ELP4: variants seen among roughly 807,000 people sequenced by gnomAD.
The protein encoded by ELP4 is elongator acetyltransferase complex subunit 4.
In ELP4, 51 loss-of-function variants were observed where a neutral mutation model predicts 48.9. The ratio of observed to expected loss-of-function variants is 1.04; its 90% CI spans 0.83 to 1.32. The LOEUF is 1.32. Ranked by LOEUF, ELP4 falls within the 40% of genes most tolerant of loss-of-function variation. The pLI is 0.00. For synonymous variants in ELP4, 210 were observed against 189.2 expected (o/e 1.11, Z -0.90); for missense variants, 519 against 514.6 (o/e 1.01, Z -0.08).
chr11:31,519,181 T>C (rs938572251), intron 1 of ELP4, among the ~76,000 whole-genome samples: 4 of 152,178 alleles, frequency 2.6e-5, no homozygotes, highest in African/African-American at 9.7e-5. Context: ...TGATATTCTT[T>C]TTTTGTTTGA....
At chr11:31,533,368 C>CTTTTTTTTTGTTTT (rs1956434223) in intron 2 of ELP4, among the ~76,000 whole-genome samples, 1 of 50,460 alleles carries the variant, frequency 2.0e-5, no homozygotes, top group African/African-American at 8.4e-5. Context: ...CCATCTCATT[C>CTTTTTTTTTGTTTT]TTTTTTTTTT....
At chr11:31,574,986 T>A (rs1353250691) in intron 3 of ELP4, among the ~76,000 whole-genome samples, 1 of 152,120 alleles carries the variant, frequency 6.6e-6, no homozygotes, top group East Asian at 1.9e-4. Context: ...AATAATAAAC[T>A]TCTCCAAGCT....
chr11:31,702,459 G>A (rs1229130601), intron 9 of ELP4, among the ~76,000 whole-genome samples: 1 of 151,952 alleles, frequency 6.6e-6, no homozygotes, highest in Non-Finnish European at 1.5e-5. Flanking sequence ...AATGGATAAT[G>A]GTAAAAGTTG....
intron 9 of ELP4, among the ~76,000 whole-genome samples, chr11:31,720,803 G>A (rs952960630): frequency 6.6e-6 from 1 of 152,110 alleles, no homozygotes; most frequent in African/African-American, 2.4e-5. Context: ...AGGACACCAG[G>A]GCATAAGCAG....
intron 9 of ELP4, among the ~76,000 whole-genome samples, chr11:31,744,836 G>C (rs932082029): frequency 2.2e-4 from 34 of 152,102 alleles, no homozygotes; most frequent in African/African-American, 7.5e-4. Context: ...GCACAAGACA[G>C]GGATGCCCTC....
At chr11:31,647,209 T>C (rs1945218385) in intron 7 of ELP4, 1 of 151,812 alleles carries the variant, frequency 6.6e-6, no homozygotes, top group African/African-American at 2.4e-5. Flanking sequence ...TGTTGCAGTC[T>C]CTTAGCTGGT....
intron 9 of ELP4, among the ~76,000 whole-genome samples, chr11:31,693,952 A>C (rs1565115343): frequency 6.6e-6 from 1 of 152,142 alleles, no homozygotes; most frequent in Non-Finnish European, 1.5e-5. Context: ...TGGCTGCATA[A>C]GTGTCTTCTT....
intron 9 of ELP4, among the ~76,000 whole-genome samples, chr11:31,776,175 A>AAAAAAAAAAG (rs1491411536): frequency 6.7e-6 from 1 of 148,772 alleles, no homozygotes; most frequent in African/African-American, 2.5e-5. Context: ...AAAAAAAAAA[A>AAAAAAAAAAG]GAGTATGGGA....
intron 9 of ELP4, among the ~76,000 whole-genome samples, chr11:31,678,659 TA>T (rs1945989643): frequency 6.6e-6 from 1 of 152,106 alleles, no homozygotes; most frequent in Non-Finnish European, 1.5e-5. Context: ...GTTCACTTAC[TA>T]AAGAACATCT....
intron 3 of ELP4, among the ~76,000 whole-genome samples, chr11:31,548,674 C>T (rs1474724630): frequency 6.6e-6 from 1 of 152,118 alleles, no homozygotes; most frequent in African/African-American, 2.4e-5. Flanking sequence ...GCCCGCATGG[C>T]CAAGTCAATC....
intron 9 of ELP4, among the ~76,000 whole-genome samples, chr11:31,741,724 T>C (rs1261511297): frequency 1.3e-5 from 2 of 152,010 alleles, no homozygotes; most frequent in Non-Finnish European, 2.9e-5. Flanking sequence ...AGAAAGGACA[T>C]CAACACCAAA....
At chr11:31,767,259 A>G (rs1434035832) in intron 9 of ELP4, 3 of 152,154 alleles carry the variant, frequency 2.0e-5, no homozygotes, top group East Asian at 3.9e-4. Flanking sequence ...ATGACGGCAA[A>G]CTTCAGGGTT....
chr11:31,778,933 G>A (rs919108536), intron 9 of ELP4, among the ~76,000 whole-genome samples: 1 of 152,044 alleles, frequency 6.6e-6, no homozygotes, highest in African/African-American at 2.4e-5. Context: ...TATTGTCCAG[G>A]CTGGTCTTGA....
chr11:31,763,021 A>C (rs191121576), intron 9 of ELP4, among the ~76,000 whole-genome samples: 146 of 152,106 alleles, frequency 9.6e-4, no homozygotes, highest in South Asian at 1.2e-3. Flanking sequence ...TAATAACAAA[A>C]GATAAGTAAG....
In ELP4 at chr11:31,632,290, G is replaced by T. The variant is rs1944877453; in HGVS notation, c.812G>T (p.Cys271Phe). ...GSPLWGDDIC[C>F]AENGGNSHSL... ...CCTTTATGGGGAGACGATATTTGCT[G>T]TGCAGAAAATGGTGGCAACAGTCAC... The change falls in exon 7 of 10, where the codon TGT becomes TTT. Residue 271 changes from cysteine to phenylalanine, a missense_variant. Coordinates refer to ENST00000640961, the MANE Select transcript of ELP4 (RefSeq NM_019040.5). 2 of 1,612,778 alleles carry T rather than the reference G, an allele frequency of 1.2e-6. No individual in the cohort carries two copies. The highest frequency in any genetic ancestry group is 1.3e-5 in the African/African-American group (1 of 74,834).
intron 9 of ELP4, among the ~76,000 whole-genome samples, chr11:31,770,088 G>A (rs1158286540): frequency 1.3e-5 from 2 of 152,076 alleles, no homozygotes; most frequent in Non-Finnish European, 2.9e-5. Flanking sequence ...GCAGCAGCAG[G>A]CACTAGATCT....
At chr11:31,533,003 T>A (rs896813388) in intron 2 of ELP4, among the ~76,000 whole-genome samples, 6 of 152,136 alleles carry the variant, frequency 3.9e-5, no homozygotes, top group Non-Finnish European at 8.8e-5. Context: ...CTCAAACTCC[T>A]GATCTCAGGT....
intron 3 of ELP4, among the ~76,000 whole-genome samples, chr11:31,579,118 G>A (rs143489526): frequency 0.026 from 4,032 of 152,164 alleles, 167 homozygotes; most frequent in African/African-American, 0.092. Context: ...TCAAAAAGTG[G>A]GCAAAGGATA....
chr11:31,540,841 C>G (rs1013878671), intron 3 of ELP4, among the ~76,000 whole-genome samples: 2 of 152,112 alleles, frequency 1.3e-5, no homozygotes, highest in Non-Finnish European at 2.9e-5. Flanking sequence ...ATTAGAAGTA[C>G]TCATTGATTA....
Sources: gnomAD v4.1 joint callset for allele counts (sites outside exome capture counted in the v4.1 genomes callset) on GRCh38, gnomAD v4.1.1 for gene constraint, MANE v1.5 for transcripts, NCBI Gene and HGNC (gene_info 2026-07-23, HGNC 2026-07-21) for gene names.